INPP4B: variants seen among roughly 807,000 people sequenced by gnomAD.
INPP4B encodes the protein inositol polyphosphate-4-phosphatase type II B, also known as inositol polyphosphate 4-phosphatase type II.
In INPP4B, 55 loss-of-function variants were observed where a neutral mutation model predicts 122.5. That is an observed-to-expected ratio of 0.45 (90% CI 0.36 to 0.56). INPP4B has a LOEUF of 0.56. Ranked by LOEUF, INPP4B falls within the 20% of genes least tolerant of loss-of-function variation. The pLI, the probability that INPP4B is intolerant of heterozygous loss-of-function variation, is 0.00. For missense variants in INPP4B, 1,000 were observed against 1,097.7 expected, an observed-to-expected ratio of 0.91 and a Z score of 1.26; for synonymous variants, 403 against 388.7, an observed-to-expected ratio of 1.04 and a Z score of -0.43.
chr4:142,816,185 A>G (rs1561102166), intron 1 of INPP4B, among the ~76,000 whole-genome samples: 1 of 152,130 alleles, frequency 6.6e-6, no homozygotes, highest in Admixed American at 6.6e-5. Context: ...TTAGGAATAG[A>G]TATCTTATTG....
At chr4:142,684,474 T>G (rs1759072877) in intron 2 of INPP4B, among the ~76,000 whole-genome samples, 1 of 151,894 alleles carries the variant, frequency 6.6e-6, no homozygotes, top group Non-Finnish European at 1.5e-5. Flanking sequence ...ATGAATGAAG[T>G]CTTCTATAAA....
intron 2 of INPP4B, among the ~76,000 whole-genome samples, chr4:142,656,951 T>C (rs1754268277): frequency 6.6e-6 from 1 of 152,220 alleles, no homozygotes; most frequent in African/African-American, 2.4e-5. Context: ...ATGGTTTGTG[T>C]TGCAAGCCTC....
chr4:142,379,324 A>G (rs1793201634), intron 7 of INPP4B, among the ~76,000 whole-genome samples: 1 of 152,186 alleles, frequency 6.6e-6, no homozygotes, highest in Non-Finnish European at 1.5e-5. Flanking sequence ...ATTTAGCTCC[A>G]TTCTCAATGA....
intron 9 of INPP4B, among the ~76,000 whole-genome samples, chr4:142,289,167 CA>C (rs148143041): frequency 0.044 from 6,755 of 152,208 alleles, 490 homozygotes; most frequent in African/African-American, 0.15. Context: ...ATACTTTTAG[CA>C]GTGAATTTTT....
intron 20 of INPP4B, 105 bp downstream of exon 20, chr4:142,123,187 G>A (rs1291155799): frequency 4.4e-6 from 4 of 910,368 alleles, no homozygotes; most frequent in Non-Finnish European, 6.3e-6. Flanking sequence ...GTAATACTTG[G>A]CACAATAAAG....
intron 7 of INPP4B, among the ~76,000 whole-genome samples, chr4:142,388,020 A>G (rs572899798): frequency 5.3e-5 from 8 of 152,198 alleles, no homozygotes; most frequent in Admixed American, 3.3e-4. Flanking sequence ...GACCTTTATT[A>G]TTTGCTGATT....
chr4:142,565,666 G>A (rs898761679), intron 2 of INPP4B, among the ~76,000 whole-genome samples: 1 of 152,066 alleles, frequency 6.6e-6, no homozygotes, highest in Non-Finnish European at 1.5e-5. Flanking sequence ...TAAATTACAG[G>A]ATATTTAAAT....
chr4:142,590,919 T>G (rs975020810), intron 2 of INPP4B, among the ~76,000 whole-genome samples: 1 of 148,160 alleles, frequency 6.7e-6, no homozygotes, highest in South Asian at 2.1e-4. Context: ...CTAGGGATAC[T>G]TAGAGAAATA....
intron 1 of INPP4B, among the ~76,000 whole-genome samples, chr4:142,808,178 G>C (rs1403398957): frequency 2.0e-5 from 3 of 152,024 alleles, no homozygotes; most frequent in Non-Finnish European, 4.4e-5. Flanking sequence ...ATTCTTTCTT[G>C]AGGGGAGAGT....
chr4:142,126,631 C>T (rs375997886), intron 18 of INPP4B, among the ~76,000 whole-genome samples: 1 of 152,026 alleles, frequency 6.6e-6, no homozygotes, highest in African/African-American at 2.4e-5. Context: ...TGCAACAGAG[C>T]CCTATTAATG....
At chr4:142,029,453 T>A (rs1738431781) in intron 25 of INPP4B, 1 of 986,010 alleles carries the variant, frequency 1.0e-6, no homozygotes. Context: ...AAAGGAAGAG[T>A]GCTTGTCCAC....
chr4:142,313,058 C>CGTTGCT (rs1408750029), intron 8 of INPP4B, among the ~76,000 whole-genome samples: 1 of 152,018 alleles, frequency 6.6e-6, no homozygotes, highest in African/African-American at 2.4e-5. Flanking sequence ...CCCCACTGCA[C>CGTTGCT]GTTGCTAGAG....
At chr4:142,659,718 A>C (rs1315638231) in intron 2 of INPP4B, among the ~76,000 whole-genome samples, 1 of 152,132 alleles carries the variant, frequency 6.6e-6, no homozygotes, top group Non-Finnish European at 1.5e-5. Context: ...CAAGGGAGCT[A>C]ACCAAAGCCA....
At chr4:142,295,741 T>C (rs188087954) in intron 9 of INPP4B, among the ~76,000 whole-genome samples, 2 of 149,812 alleles carry the variant, frequency 1.3e-5, no homozygotes, top group Admixed American at 1.3e-4. Context: ...TTTCCCTTTT[T>C]TTTTTCTTTT....
intron 7 of INPP4B, among the ~76,000 whole-genome samples, chr4:142,373,177 T>A (rs1268108467): frequency 6.6e-6 from 1 of 152,052 alleles, no homozygotes; most frequent in Non-Finnish European, 1.5e-5. Context: ...AAGTCCTGTA[T>A]GTGTCATAAA....
chr4:142,593,433 C>T (rs2150257876), intron 2 of INPP4B, among the ~76,000 whole-genome samples: 1 of 152,192 alleles, frequency 6.6e-6, no homozygotes, highest in East Asian at 1.9e-4. Flanking sequence ...CCCACTTGAC[C>T]TTTATTCTTC....
intron 11 of INPP4B, among the ~76,000 whole-genome samples, chr4:142,252,742 A>G (rs1732979862): frequency 6.6e-6 from 1 of 152,236 alleles, no homozygotes; most frequent in East Asian, 1.9e-4. Context: ...CCATATATCT[A>G]TTCTTTTAAC....
chr4:142,162,063 C>T (rs1579124901), intron 16 of INPP4B, among the ~76,000 whole-genome samples: 1 of 151,754 alleles, frequency 6.6e-6, no homozygotes, highest in Non-Finnish European at 1.5e-5. Context: ...ATTAAGTGTG[C>T]CTATAATGCC....
At chr4:142,676,597 A>G (rs549778389) in intron 2 of INPP4B, among the ~76,000 whole-genome samples, 75 of 152,314 alleles carry the variant, frequency 4.9e-4, no homozygotes, top group Non-Finnish European at 8.4e-4. Context: ...ACTATACTAC[A>G]AGGCTATAGT....
Sources: allele counts gnomAD v4.1 joint callset (sites outside exome capture counted in the v4.1 genomes callset), GRCh38; gene constraint gnomAD v4.1.1; transcripts MANE v1.5; gene names NCBI Gene and HGNC (gene_info 2026-07-23, HGNC 2026-07-21).